CPED1: variants seen among roughly 807,000 people sequenced by gnomAD.
The protein encoded by CPED1 is cadherin like and PC-esterase domain containing 1.
CPED1 carries 114 observed loss-of-function variants against 128.2 expected under a neutral mutation model. The ratio of observed to expected loss-of-function variants is 0.89; its 90% CI spans 0.76 to 1.04. The LOEUF (loss-of-function observed/expected upper bound fraction) is 1.04. Ranked by LOEUF, CPED1 falls within the 50% of genes least tolerant of loss-of-function variation. The probability of loss-of-function intolerance (pLI) is 0.00; values close to 1 mark genes in which losing one functional copy is unlikely to be tolerated. For missense variants in CPED1, 1,211 were observed against 1,207.1 expected (o/e 1.00, Z -0.05); for synonymous variants, 462 against 426.7 (o/e 1.08, Z -1.02).
At chr7:121,148,552 T>G (rs889239117) in intron 16 of CPED1, among the ~76,000 whole-genome samples, 4 of 152,186 alleles carry the variant, frequency 2.6e-5, no homozygotes, top group Non-Finnish European at 1.5e-5. Flanking sequence ...GGTTTGAATA[T>G]AAGTCTTGCT....
intron 16 of CPED1, among the ~76,000 whole-genome samples, chr7:121,217,997 T>TG (rs1797794656): frequency 6.6e-6 from 1 of 151,212 alleles, no homozygotes; most frequent in Non-Finnish European, 1.5e-5. Context: ...AATTTTTTTT[T>TG]TTTTTGAGAC....
intron 11 of CPED1, among the ~76,000 whole-genome samples, chr7:121,128,862 A>G (rs1308263959): frequency 6.6e-6 from 1 of 152,124 alleles, no homozygotes; most frequent in Non-Finnish European, 1.5e-5. Flanking sequence ...TCTGCTTATT[A>G]TACCCTTTTT....
At position 121,117,134 on chromosome 7, in the gene CPED1, T is replaced by G. The variant is rs1319738665; in HGVS notation, c.919-7197T>G. Reference sequence around the variant, plus strand: ...ATATATGTTTGAGATGGAGTCTCGCTCTGTCACCCAGGCTGGAGTGCAGTG... The same window carrying G: ...ATATATGTTTGAGATGGAGTCTCGCGCTGTCACCCAGGCTGGAGTGCAGTG... On this transcript the variant is annotated intron_variant, in intron 7 of 22. Transcript: ENST00000310396. Among the ~76,000 whole-genome samples the G allele has an allele frequency of 6.7e-5, 10 of 148,320 alleles. No homozygotes were observed. In the East Asian group the frequency reaches 2.0e-3, roughly 30 times the overall value.
At position 121,099,924 on chromosome 7, in the gene CPED1, A is replaced by G. The variant is rs142662878; in HGVS notation, c.750-2A>G. ...GCTAACTATGTTTTTTTTTTTTTTT[A>G]GGAATGAAACGACAGTCCTTGCTCC... On this transcript the variant is annotated splice_acceptor_variant, in intron 6 of 22. Transcript: ENST00000310396. LOFTEE classifies it high-confidence loss of function. The G allele has an allele frequency of 6.4e-7, 1 of 1,554,876 alleles. No individual in the cohort carries two copies. The highest frequency in any genetic ancestry group is 8.7e-7 in the Non-Finnish European group (1 of 1,154,462).
chr7:121,219,842 C>T (rs1397701849), intron 16 of CPED1, among the ~76,000 whole-genome samples: 1 of 151,840 alleles, frequency 6.6e-6, no homozygotes, highest in Non-Finnish European at 1.5e-5. Flanking sequence ...AACATAATAA[C>T]ACCCAGCATT....
intron 7 of CPED1, among the ~76,000 whole-genome samples, chr7:121,122,209 C>T (rs907817335): frequency 2.1e-5 from 3 of 144,454 alleles, no homozygotes; most frequent in South Asian, 2.2e-4. Flanking sequence ...GGTGTGATCT[C>T]GGATCACTAC....
chr7:121,175,058 G>A (rs540814020), intron 16 of CPED1, among the ~76,000 whole-genome samples: 125 of 152,234 alleles, frequency 8.2e-4, no homozygotes, highest in African/African-American at 3.0e-3. Flanking sequence ...AGTGATTCTT[G>A]TACATTGATT....
At chr7:121,177,508 A>C (rs555439918) in intron 16 of CPED1, among the ~76,000 whole-genome samples, 120 of 152,184 alleles carry the variant, frequency 7.9e-4, no homozygotes, top group African/African-American at 2.8e-3. Flanking sequence ...ATTAAAAAAC[A>C]CTTTTTAAAA....
chr7:121,271,248 G>T lies in CPED1; in HGVS notation c.2722-36G>T, dbSNP rs140969099. The T allele has an allele frequency of 5.0e-4, 772 of 1,548,510 alleles. 9 individuals are homozygous for T. The African/African-American group carries it at 9.3e-3, about 19-fold the overall frequency. On this transcript the variant is annotated intron_variant, in intron 21 of 22. Coordinates refer to ENST00000310396, the MANE Select transcript of CPED1 (RefSeq NM_024913.5). The stretch of plus-strand genomic sequence containing the variant: ...TATTGAATCATAAAACAATCCTCTG[G>T]TAATAAAAATTCTCATTCTTCTGCT...
intron 16 of CPED1, among the ~76,000 whole-genome samples, chr7:121,167,725 ATTTTTTTTTTT>A (rs10588976): frequency 1.0e-5 from 1 of 99,264 alleles, no homozygotes; most frequent in Non-Finnish European, 2.0e-5. Flanking sequence ...TTTAAAGTCT[ATTTTTTTTTTT>A]TTTTTTTTTT....
intron 16 of CPED1, among the ~76,000 whole-genome samples, chr7:121,178,273 CT>C (rs1318015034): frequency 5.9e-5 from 9 of 152,196 alleles, no homozygotes; most frequent in Non-Finnish European, 2.9e-5. Context: ...CCCATCCTGA[CT>C]TCCTTGAGGA....
chr7:121,057,014 G>C (rs1793514932), intron 4 of CPED1, among the ~76,000 whole-genome samples: 1 of 151,492 alleles, frequency 6.6e-6, no homozygotes, highest in Non-Finnish European at 1.5e-5. Flanking sequence ...GTCTCACTCT[G>C]CTGCCTAGGC....
At chr7:121,076,584 C>T (rs1268868220) in intron 5 of CPED1, 1 of 152,080 alleles carries the variant, frequency 6.6e-6, no homozygotes, top group Non-Finnish European at 1.5e-5. Flanking sequence ...TTTTAGTATT[C>T]GTTCACCTTT....
At chr7:121,125,284 G>T (rs1315601672) in intron 8 of CPED1, among the ~76,000 whole-genome samples, 1 of 152,058 alleles carries the variant, frequency 6.6e-6, no homozygotes, top group African/African-American at 2.4e-5. Flanking sequence ...TGTAGCAAGA[G>T]AATATAGTTT....
At chr7:121,073,792 C>T (rs1464103976) in intron 5 of CPED1, among the ~76,000 whole-genome samples, 3 of 142,350 alleles carry the variant, frequency 2.1e-5, no homozygotes, top group Non-Finnish European at 4.5e-5. Context: ...ATCTTGAAAC[C>T]CTTCACCTCT....
At chr7:121,005,827 T>G (rs559814754) in intron 2 of CPED1, among the ~76,000 whole-genome samples, 8 of 152,318 alleles carry the variant, frequency 5.3e-5, no homozygotes, top group Non-Finnish European at 8.8e-5. Context: ...TTGGAATGCT[T>G]TTGTCTAAAC....
chr7:121,284,829 C>T (rs1437725845), intron 22 of CPED1, among the ~76,000 whole-genome samples: 2 of 152,182 alleles, frequency 1.3e-5, no homozygotes, highest in East Asian at 1.9e-4. Context: ...GTGTCTGTGG[C>T]TTTTCCAGGC....
At chr7:121,242,784 G>A (rs1215915222) in intron 17 of CPED1, among the ~76,000 whole-genome samples, 4 of 151,758 alleles carry the variant, frequency 2.6e-5, no homozygotes, top group Admixed American at 2.6e-4. Context: ...TCCTTTCCTG[G>A]AGTTCATACT....
chr7:121,248,933 T>C (rs1798602797), intron 18 of CPED1, among the ~76,000 whole-genome samples: 1 of 152,120 alleles, frequency 6.6e-6, no homozygotes. Context: ...AAGAAATCCA[T>C]AAAATGATTC....
Sources: allele counts gnomAD v4.1 joint callset (sites outside exome capture counted in the v4.1 genomes callset), GRCh38; gene constraint gnomAD v4.1.1; transcripts MANE v1.5; gene names NCBI Gene and HGNC (gene_info 2026-07-23, HGNC 2026-07-21).